The following ENOX1 variants were observed in gnomAD, a reference collection of about 807,000 sequenced individuals.
ENOX1 encodes ecto-NOX disulfide-thiol exchanger 1.
A neutral mutation model predicts 82.5 loss-of-function variants in ENOX1; 42 were observed. The ratio of observed to expected loss-of-function variants is 0.51; its 90% CI spans 0.40 to 0.66. The LOEUF is 0.66. ENOX1 is among the 30% of genes least tolerant of loss of function. ENOX1 has a pLI of 0.00. For missense variants in ENOX1, 608 were observed against 811.6 expected, an observed-to-expected ratio of 0.75 and a Z score of 3.05; for synonymous variants, 271 against 282.2, an observed-to-expected ratio of 0.96 and a Z score of 0.40.
In ENOX1 at chr13:43,361,401, A is replaced by G; in HGVS notation, c.260T>C (p.Ile87Thr). Residue 87 changes from isoleucine (I) to threonine (T), a missense_variant, in exon 6 of 17, where the codon ATC becomes ACC. Transcript: ENST00000690772. ...FDPSLNMMTG[I>T]TPINPMIPGL... ...TGGTATCATTGGGTTAATGGGGGTG[A>G]TTCCAGTCATCATGTTGAGGCTTGG... 2 of 1,613,374 alleles carry G rather than the reference A, an allele frequency of 1.2e-6. No homozygotes were observed. Among genetic ancestry groups the G allele is most frequent in the Non-Finnish European group, 1.7e-6 (2 of 1,179,862 alleles).
intron 1 of ENOX1, among the ~76,000 whole-genome samples, chr13:43,784,434 A>T (rs1218054285): frequency 6.6e-6 from 1 of 152,244 alleles, no homozygotes. Flanking sequence ...CAGTCAGAAA[A>T]GCAATCCTGT....
In ENOX1 at chr13:43,230,145, A is replaced by G. The variant is rs985987169; in HGVS notation, c.1715-6007T>C. On this transcript the variant is annotated intron_variant, in intron 15 of 16. Transcript: ENST00000690772. The stretch of plus-strand genomic sequence containing the variant: ...TCTGAGAGGGTTTAATCAATAAGAA[A>G]GTGTGGCATCATGATGGCGGAGAGA... Among the ~76,000 whole-genome samples the G allele has an allele frequency of 2.0e-5, 3 of 152,220 alleles. No homozygotes were observed. In the South Asian group the frequency reaches 6.2e-4, roughly 31 times the overall value.
intron 1 of ENOX1, among the ~76,000 whole-genome samples, chr13:43,715,199 G>C (rs1261144797): frequency 1.3e-5 from 2 of 152,180 alleles, no homozygotes; most frequent in Admixed American, 6.5e-5. Flanking sequence ...TGAAATTCTG[G>C]ATTGAAAGTT....
intron 3 of ENOX1, among the ~76,000 whole-genome samples, chr13:43,481,123 C>T (rs2058491652): frequency 6.6e-6 from 1 of 152,058 alleles, no homozygotes; most frequent in African/African-American, 2.4e-5. Context: ...GCAACAAATA[C>T]TAGCAAACCA....
intron 5 of ENOX1, among the ~76,000 whole-genome samples, chr13:43,379,723 G>C (rs980772786): frequency 6.6e-6 from 1 of 151,832 alleles, no homozygotes; most frequent in Admixed American, 6.6e-5. Flanking sequence ...ACTTGATGAG[G>C]GTGGGGCAAG....
At position 43,616,121 on chromosome 13, in the gene ENOX1, T is replaced by TATCTAG. The variant is rs1566640795; in HGVS notation, c.-219+51357_-219+51358insCTAGAT. The stretch of plus-strand genomic sequence containing the variant: ...CTATATAGATAGATATCTATAGATC[T>TATCTAG]ATAGATATCTATCTATCTAGATATC... On this transcript the variant is annotated intron_variant, in intron 2 of 16. Transcript: ENST00000690772. Among the ~76,000 whole-genome samples, 20 of 43,440 alleles carry TATCTAG rather than the reference T, an allele frequency of 4.6e-4. 1 individual carries two copies. The highest frequency in any genetic ancestry group is 1.8e-3 in the African/African-American group (19 of 10,844). The allele number at this position is 43,440 out of a possible 152,430, so 28.5% of individuals were successfully genotyped here. A position where few individuals can be genotyped will look rare whatever the true frequency, so the allele number is the denominator to read the frequency against.
intron 2 of ENOX1, among the ~76,000 whole-genome samples, chr13:43,586,899 C>T (rs1297117972): frequency 1.9e-5 from 2 of 102,588 alleles, no homozygotes; most frequent in Admixed American, 1.3e-4. Context: ...CCTGTCTCTA[C>T]TAAAAATACA....
At chr13:43,235,300 T>C (rs2042481330) in intron 15 of ENOX1, among the ~76,000 whole-genome samples, 1 of 152,244 alleles carries the variant, frequency 6.6e-6, no homozygotes. Context: ...TGATGTCATA[T>C]TCAATAACCC....
chr13:43,491,442 T>C (rs774622618), intron 2 of ENOX1, among the ~76,000 whole-genome samples: 1 of 152,270 alleles, frequency 6.6e-6, no homozygotes, highest in Non-Finnish European at 1.5e-5. Context: ...AAATGGGTCA[T>C]CCTCAGGCTA....
intron 2 of ENOX1, among the ~76,000 whole-genome samples, chr13:43,518,730 G>T (rs2077651706): frequency 6.6e-6 from 1 of 152,056 alleles, no homozygotes; most frequent in African/African-American, 2.4e-5. Flanking sequence ...GTTGATAATT[G>T]AAATGTTTAT....
At chr13:43,535,080 C>T (rs1344818529) in intron 2 of ENOX1, among the ~76,000 whole-genome samples, 1 of 152,136 alleles carries the variant, frequency 6.6e-6, no homozygotes, top group Non-Finnish European at 1.5e-5. Flanking sequence ...ACACTCCACA[C>T]CTGATCTATG....
intron 1 of ENOX1, among the ~76,000 whole-genome samples, chr13:43,751,084 A>G (rs145947323): frequency 9.9e-4 from 150 of 152,054 alleles, no homozygotes; most frequent in Non-Finnish European, 2.0e-3. Flanking sequence ...GGCTGCCAGG[A>G]CCCCACATTC....
intron 11 of ENOX1, among the ~76,000 whole-genome samples, chr13:43,315,360 T>C (rs1404233423): frequency 6.6e-6 from 1 of 152,192 alleles, no homozygotes; most frequent in African/African-American, 2.4e-5. Context: ...TTCATCGATG[T>C]TGTAAAGGGT....
At chr13:43,341,787 A>G (rs1164368537) in intron 9 of ENOX1, among the ~76,000 whole-genome samples, 1 of 152,226 alleles carries the variant, frequency 6.6e-6, no homozygotes, top group East Asian at 1.9e-4. Flanking sequence ...GAGAACTCCA[A>G]TTTTACTCTG....
intron 2 of ENOX1, among the ~76,000 whole-genome samples, chr13:43,613,043 TAC>T (rs1314456526): frequency 6.6e-6 from 1 of 152,212 alleles, no homozygotes; most frequent in Non-Finnish European, 1.5e-5. Flanking sequence ...TCACATTGTA[TAC>T]ATTTTTTTAA....
At chr13:43,760,206 A>C (rs1313656458) in intron 1 of ENOX1, among the ~76,000 whole-genome samples, 1 of 152,194 alleles carries the variant, frequency 6.6e-6, no homozygotes. Flanking sequence ...TCCTGGTCTA[A>C]GTGCACTTTG....
At chr13:43,674,821 C>G (rs1028016978) in intron 1 of ENOX1, among the ~76,000 whole-genome samples, 1 of 152,116 alleles carries the variant, frequency 6.6e-6, no homozygotes, top group Non-Finnish European at 1.5e-5. Flanking sequence ...ATACAGCAAG[C>G]TATGCATGTG....
At chr13:43,599,782 G>T (rs1383123667) in intron 2 of ENOX1, among the ~76,000 whole-genome samples, 1 of 150,896 alleles carries the variant, frequency 6.6e-6, no homozygotes, top group Non-Finnish European at 1.5e-5. Context: ...TTCTGCTTGA[G>T]ATGAGAATAA....
chr13:43,642,804 A>G (rs1035028185), intron 2 of ENOX1, among the ~76,000 whole-genome samples: 1 of 152,242 alleles, frequency 6.6e-6, no homozygotes, highest in African/African-American at 2.4e-5. Flanking sequence ...ATTTAATGGA[A>G]TATCAATTTT....
Sources: allele counts gnomAD v4.1 joint callset (sites outside exome capture counted in the v4.1 genomes callset), GRCh38; gene constraint gnomAD v4.1.1; transcripts MANE v1.5; gene names NCBI Gene and HGNC (gene_info 2026-07-23, HGNC 2026-07-21).